The following VLDLR variants were observed in gnomAD, a reference collection of about 807,000 sequenced individuals.
VLDLR encodes the protein very low-density lipoprotein receptor.
VLDLR carries 81 observed loss-of-function variants against 112.7 expected under a neutral mutation model. The observed-to-expected ratio is 0.72, with a 90% CI of 0.60 to 0.86. The LOEUF (loss-of-function observed/expected upper bound fraction) is 0.86. VLDLR is among the 40% of genes least tolerant of loss of function. The pLI is 0.00. For missense variants in VLDLR, 1,237 were observed against 1,099.4 expected (o/e 1.13, Z -1.77); for synonymous variants, 436 against 384.8 (o/e 1.13, Z -1.56).
At position 2,656,591 on chromosome 9, in the gene VLDLR, CTG is replaced by C. The variant is rs1818618345; in HGVS notation, c.*2725_*2726del. 6.6e-6 allele frequency: 1 copy of C among 152,116 alleles called. No individual in the cohort carries two copies. The highest frequency in any genetic ancestry group is 2.4e-5 in the African/African-American group (1 of 41,414). The allele number at this position is 152,116 out of a possible 1,614,324, so 9.4% of individuals were successfully genotyped here. A position where few individuals can be genotyped will look rare whatever the true frequency, so the allele number is the denominator to read the frequency against. ...TGAAATGTGTTAGGATAAGTTTGCTCTGTCTCTAGAGTTCAATGTAGAAGATA... is the reference window on the plus strand; with the variant it reads ...TGAAATGTGTTAGGATAAGTTTGCTCTCTCTAGAGTTCAATGTAGAAGATA... On this transcript the variant is annotated 3_prime_UTR_variant, in exon 19 of 19. Coordinates refer to ENST00000382100, the MANE Select transcript of VLDLR (RefSeq NM_003383.5).
At chr9:2,637,228 T>A (rs1375229992) in intron 2 of VLDLR, among the ~76,000 whole-genome samples, 1 of 152,216 alleles carries the variant, frequency 6.6e-6, no homozygotes, top group Non-Finnish European at 1.5e-5. Context: ...TACTTAAAAC[T>A]TCCAAAGCTG....
intron 2 of VLDLR, among the ~76,000 whole-genome samples, chr9:2,639,442 C>T (rs1325805395): frequency 6.6e-6 from 1 of 152,196 alleles, no homozygotes; most frequent in Non-Finnish European, 1.5e-5. Context: ...GACAAACATT[C>T]AGTCCCCAGC....
intron 1 of VLDLR, among the ~76,000 whole-genome samples, chr9:2,631,422 C>A (rs951920783): frequency 6.6e-6 from 1 of 151,960 alleles, no homozygotes; most frequent in Non-Finnish European, 1.5e-5. Context: ...AAATGCCCAT[C>A]AATAATGAAA....
Position 2,654,640 on chromosome 9 carries a change from T to C in VLDLR, c.*772T>C, listed in dbSNP as rs1164210443. 6.6e-6 allele frequency: 1 copy of C among 152,228 alleles called. No homozygotes were observed. The allele number at this position is 152,228 out of a possible 1,614,324, so 9.4% of individuals were successfully genotyped here. Reference sequence around the variant, plus strand: ...AGCACAGTTAAAAAATGAAGTACTGTTTAACATTTGCTCCCGAAATATTTC... The same window carrying C: ...AGCACAGTTAAAAAATGAAGTACTGCTTAACATTTGCTCCCGAAATATTTC... On this transcript the variant is annotated 3_prime_UTR_variant, in exon 19 of 19. Coordinates refer to ENST00000382100, the MANE Select transcript of VLDLR (RefSeq NM_003383.5).
At chr9:2,632,154 A>G (rs1227595659) in intron 1 of VLDLR, among the ~76,000 whole-genome samples, 2 of 152,226 alleles carry the variant, frequency 1.3e-5, no homozygotes, top group Non-Finnish European at 2.9e-5. Flanking sequence ...GAGCTGGAAG[A>G]AAACCTAGAC....
rs899326017 is a variant in VLDLR at position 2,638,118 on chromosome 9, C to G, written c.203-1741C>G. On this transcript the variant is annotated intron_variant, in intron 2 of 18. Transcript: ENST00000382100. ...CCTCCATGCTCAGGAGAACACAGAC[C>G]TTGAATAGCACTTAATTCATTAACA... Among the ~76,000 whole-genome samples, 12 of 152,274 alleles carry G rather than the reference C, an allele frequency of 7.9e-5. No homozygotes were observed. The South Asian group carries it at 1.2e-3, about 16-fold the overall frequency.
rs2130818175 is a variant in VLDLR, at chr9:2,656,175, A to C, written c.*2307A>C. On this transcript the variant is annotated 3_prime_UTR_variant, in exon 19 of 19. Coordinates refer to ENST00000382100, the MANE Select transcript of VLDLR (RefSeq NM_003383.5). The stretch of plus-strand genomic sequence containing the variant: ...AATTTCCAACCCTCAAAGAGTCTAA[A>C]ACGTCTCATTTTTTTTTACCACGTC... The C allele has an allele frequency of 1.3e-5, 2 of 148,522 alleles. No individual in the cohort carries two copies. Among genetic ancestry groups the C allele is most frequent in the South Asian group, 4.2e-4 (2 of 4,810 alleles). 9.2% of individuals were successfully genotyped at this position (148,522 alleles called of 1,614,324 possible). A position where few individuals can be genotyped will look rare whatever the true frequency, so the allele number is the denominator to read the frequency against.
Position 2,654,999 on chromosome 9 carries a change from C to T in VLDLR, c.*1131C>T, listed in dbSNP as rs546320846. ...AGTGTGGTCCTGAGAACAGAAGCATCTGCATCACCTGGGAATGTATTAGAA... is the reference window on the plus strand; with the variant it reads ...AGTGTGGTCCTGAGAACAGAAGCATTTGCATCACCTGGGAATGTATTAGAA... On this transcript the variant is annotated 3_prime_UTR_variant, in exon 19 of 19. Transcript: ENST00000382100. 1.3e-5 allele frequency: 2 copies of T among 152,206 alleles called. No individual in the cohort carries two copies. Among genetic ancestry groups the T allele is most frequent in the Admixed American group, 1.3e-4 (2 of 15,284 alleles). 9.4% of individuals were successfully genotyped at this position (152,206 alleles called of 1,614,324 possible).
intron 9 of VLDLR, 137 bp from the exon 10 acceptor site, chr9:2,645,437 G>T: frequency 9.0e-7 from 1 of 1,113,344 alleles, no homozygotes. Flanking sequence ...CCCAGGGGCA[G>T]GAACTCCAGA....
At chr9:2,645,173 C>T (rs375780882) in intron 9 of VLDLR, 91 bp downstream of exon 9, 4 of 1,584,012 alleles carry the variant, frequency 2.5e-6, no homozygotes, top group African/African-American at 2.7e-5. Flanking sequence ...TCAAACTAAA[C>T]ATGAAATTGT....
rs192985035 is a variant in VLDLR, at chr9:2,629,640, G to A, written c.83-5813G>A. On this transcript the variant is annotated intron_variant, in intron 1 of 18. Transcript: ENST00000382100. The stretch of plus-strand genomic sequence containing the variant: ...GTTTGACCAACAACAAAAACGATTT[G>A]ATTATGTCCATGATTCTTAAGATCA... 2.2e-4 allele frequency among the ~76,000 whole-genome samples: 33 copies of A among 152,306 alleles called. No individual in the cohort carries two copies. In the South Asian group the frequency reaches 3.3e-3, roughly 15 times the overall value.
chr9:2,649,855 CT>C (rs1214325398), intron 14 of VLDLR, among the ~76,000 whole-genome samples: 2 of 152,166 alleles, frequency 1.3e-5, no homozygotes, highest in African/African-American at 4.8e-5. Flanking sequence ...TACTTTCCCC[CT>C]GTGACACACC....
chr9:2,651,925 C>T lies in VLDLR; in HGVS notation c.2387C>T (p.Thr796Ile). ...GAGGTCAGTGTTCCCCCAAAAGGGA[C>T]TTCTGCCGCATGGGCCATTCTTCCT... The part of the protein sequence containing the change: ...VSEVSVPPKG[T>I]SAAWAILPLL... The change falls in exon 17 of 19, where the codon ACT becomes ATT. Residue 796 changes from threonine (T) to isoleucine (I), a missense_variant. Transcript: ENST00000382100. 5.0e-6 allele frequency: 8 copies of T among 1,614,118 alleles called. No individual in the cohort carries two copies. The highest frequency in any genetic ancestry group is 6.8e-6 in the Non-Finnish European group (8 of 1,179,974).
intron 4 of VLDLR, 89 bp from the exon 5 acceptor site, chr9:2,643,071 A>G: frequency 1.9e-6 from 3 of 1,584,036 alleles, no homozygotes; most frequent in Non-Finnish European, 2.6e-6. Flanking sequence ...GGATTAATGA[A>G]TAAAGATCAA....
At position 2,653,944 on chromosome 9, in the gene VLDLR, G is replaced by T. The variant is rs1163173448; in HGVS notation, c.*76G>T. 1 of 1,508,600 alleles carries T rather than the reference G, an allele frequency of 6.6e-7. No individual in the cohort carries two copies. Among genetic ancestry groups the T allele is most frequent in the Non-Finnish European group, 9.2e-7 (1 of 1,084,750 alleles). The allele number at this position is 1,508,600 out of a possible 1,614,324, so 93.5% of individuals were successfully genotyped here. On this transcript the variant is annotated 3_prime_UTR_variant, in exon 19 of 19. Coordinates refer to ENST00000382100, the MANE Select transcript of VLDLR (RefSeq NM_003383.5). ...CGGAATGGTAACCGAGCCAGCAGCT[G>T]AAGTCTCTTTTTCTTCCTCTCGGCT...
At chr9:2,649,456 A>G (rs552890883) in intron 14 of VLDLR, among the ~76,000 whole-genome samples, 2 of 152,210 alleles carry the variant, frequency 1.3e-5, no homozygotes, top group African/African-American at 2.4e-5. Flanking sequence ...CAGTGGCACA[A>G]TCTCGGCTCA....
rs73640150 is a variant in VLDLR, at chr9:2,640,649, G to T, written c.325+668G>T. ...AGTCTTAGAGTTTGAGTCAGTAGAG[G>T]CCTGCACTGGTAGAAACACTAAAAA... On this transcript the variant is annotated intron_variant, in intron 3 of 18. Coordinates refer to ENST00000382100, the MANE Select transcript of VLDLR (RefSeq NM_003383.5). 6.1e-3 allele frequency among the ~76,000 whole-genome samples: 923 copies of T among 152,310 alleles called. 15 individuals are homozygous for T. The highest frequency in any genetic ancestry group is 0.024 in the Middle Eastern group (7 of 294).
In VLDLR at chr9:2,657,288, C is replaced by CTGTT; in HGVS notation, c.*3423_*3426dup. 1 of 152,292 alleles carries CTGTT rather than the reference C, an allele frequency of 6.6e-6. No homozygotes were observed. The highest frequency in any genetic ancestry group is 2.4e-5 in the African/African-American group (1 of 41,554). The allele number at this position is 152,292 out of a possible 1,614,324, so 9.4% of individuals were successfully genotyped here. On this transcript the variant is annotated 3_prime_UTR_variant, in exon 19 of 19. Coordinates refer to ENST00000382100, the MANE Select transcript of VLDLR (RefSeq NM_003383.5). ...ATTTTGAATCCAAATGAAAGCTATA[C>CTGTT]TGTTTGCTTTCAATGGTGGCAAAAA...
intron 1 of VLDLR, among the ~76,000 whole-genome samples, chr9:2,633,049 A>T (rs10967256): frequency 0.41 from 43,819 of 106,118 alleles, 7,636 homozygotes; most frequent in East Asian, 0.58. Flanking sequence ...AGAGAGAGAG[A>T]GAGTGTGTGT....
Sources: gnomAD v4.1 joint callset for allele counts (sites outside exome capture counted in the v4.1 genomes callset) on GRCh38, gnomAD v4.1.1 for gene constraint, MANE v1.5 for transcripts, NCBI Gene and HGNC (gene_info 2026-07-23, HGNC 2026-07-21) for gene names.